CFAP299: variants seen among roughly 807,000 people sequenced by gnomAD.
CFAP299 encodes cilia and flagella associated protein 299.
CFAP299 carries 21 observed loss-of-function variants against 27.0 expected under a neutral mutation model. The observed-to-expected ratio is 0.78, with a 90% CI of 0.55 to 1.12. CFAP299 has a LOEUF of 1.12. CFAP299 is among the 50% of genes most tolerant of loss of function. The pLI, the probability that CFAP299 is intolerant of heterozygous loss-of-function variation, is 0.00. For synonymous variants in CFAP299, 104 were observed against 98.1 expected (o/e 1.06, Z -0.36); for missense variants, 310 against 276.6 (o/e 1.12, Z -0.86).
chr4:80,586,116 A>G (rs1393500926), intron 3 of CFAP299, among the ~76,000 whole-genome samples: 1 of 152,158 alleles, frequency 6.6e-6, no homozygotes, highest in Non-Finnish European at 1.5e-5. Context: ...TTTCAAAAGG[A>G]CATTACTGTA....
chr4:80,802,625 T>C (rs746884832), intron 3 of CFAP299, among the ~76,000 whole-genome samples: 1 of 152,048 alleles, frequency 6.6e-6, no homozygotes, highest in Admixed American at 6.6e-5. Flanking sequence ...GGAAAACTTA[T>C]CAATATTTGA....
At position 80,842,456 on chromosome 4, in the gene CFAP299, A is replaced by G. The variant is rs372378106; in HGVS notation, c.334-27537A>G. Among the ~76,000 whole-genome samples the G allele has an allele frequency of 1.1e-4, 17 of 152,290 alleles. No individual in the cohort carries two copies. In the South Asian group the frequency reaches 3.3e-3, roughly 30 times the overall value. ...CTGTCATATATAACTTGAGAAAATT[A>G]CTTAACGCCTCTTAAATCACAGTTT... is the stretch of plus-strand genomic sequence containing the variant. On this transcript the variant is annotated intron_variant, in intron 3 of 5. Transcript: ENST00000358105.
chr4:80,781,303 AT>A (rs1726863254), intron 3 of CFAP299, among the ~76,000 whole-genome samples: 1 of 152,072 alleles, frequency 6.6e-6, no homozygotes, highest in Non-Finnish European at 1.5e-5. Flanking sequence ...AGTTATAATA[AT>A]CAGTCACAAT....
At chr4:80,824,482 T>C (rs1308884378) in intron 3 of CFAP299, among the ~76,000 whole-genome samples, 1 of 152,148 alleles carries the variant, frequency 6.6e-6, no homozygotes, top group African/African-American at 2.4e-5. Flanking sequence ...TCTGCATGAT[T>C]GTAAGCTCCT....
intron 2 of CFAP299, chr4:80,387,471 C>T: frequency 1.2e-6 from 1 of 820,896 alleles, no homozygotes; most frequent in Non-Finnish European, 2.1e-6. Context: ...TTCCGGCTTG[C>T]CCCTTGCTAT....
intron 2 of CFAP299, among the ~76,000 whole-genome samples, chr4:80,504,462 C>CACATATATATATATATAT: frequency 2.6e-5 from 1 of 37,776 alleles, no homozygotes; most frequent in Admixed American, 5.3e-4. Context: ...TAAAATCTCA[C>CACATATATATATATATAT]ATATATATAT....
chr4:80,343,922 G>T (rs1375582201), intron 1 of CFAP299, among the ~76,000 whole-genome samples: 1 of 150,930 alleles, frequency 6.6e-6, no homozygotes, highest in African/African-American at 2.4e-5. Context: ...AATTAAGGTA[G>T]AAATCAAGAA....
intron 4 of CFAP299, among the ~76,000 whole-genome samples, chr4:80,941,982 T>C (rs529090269): frequency 1.3e-5 from 2 of 152,222 alleles, no homozygotes; most frequent in East Asian, 3.9e-4. Context: ...CAATTCAACA[T>C]GAGATTTGGG....
chr4:80,436,236 T>C (rs1163222002), intron 2 of CFAP299, among the ~76,000 whole-genome samples: 1 of 152,160 alleles, frequency 6.6e-6, no homozygotes. Context: ...GGTGTGGCCA[T>C]GTGACTTATA....
chr4:80,732,442 G>A (rs191269910), intron 3 of CFAP299, among the ~76,000 whole-genome samples: 5 of 152,262 alleles, frequency 3.3e-5, no homozygotes, highest in African/African-American at 1.2e-4. Context: ...GGGTTAGGTA[G>A]AAAATGTATC....
intron 4 of CFAP299, among the ~76,000 whole-genome samples, chr4:80,929,008 A>AG (rs1736441999): frequency 6.6e-6 from 1 of 152,100 alleles, no homozygotes; most frequent in South Asian, 2.1e-4. Flanking sequence ...ACAGTGCACT[A>AG]TTTTTCTAAT....
At chr4:80,369,074 T>C (rs1262528734) in intron 2 of CFAP299, among the ~76,000 whole-genome samples, 1 of 152,170 alleles carries the variant, frequency 6.6e-6, no homozygotes, top group African/African-American at 2.4e-5. Flanking sequence ...TTATCCCACA[T>C]GGGATGAAAT....
chr4:80,738,003 C>T (rs1305840409), intron 3 of CFAP299, among the ~76,000 whole-genome samples: 3 of 152,088 alleles, frequency 2.0e-5, no homozygotes, highest in East Asian at 1.9e-4. Flanking sequence ...CATTCAGGAG[C>T]GTATTGTTTA....
chr4:80,474,753 A>C (rs1730188042), intron 2 of CFAP299, among the ~76,000 whole-genome samples: 1 of 152,226 alleles, frequency 6.6e-6, no homozygotes, highest in Non-Finnish European at 1.5e-5. Flanking sequence ...TTATTCAACA[A>C]TATTATTTGT....
intron 3 of CFAP299, among the ~76,000 whole-genome samples, chr4:80,649,630 T>A (rs971132949): frequency 2.0e-5 from 3 of 152,144 alleles, no homozygotes; most frequent in African/African-American, 7.2e-5. Context: ...AATTGCATCA[T>A]TAGATTGGTA....
intron 2 of CFAP299, among the ~76,000 whole-genome samples, chr4:80,396,303 G>A (rs998275219): frequency 1.3e-5 from 2 of 152,114 alleles, no homozygotes; most frequent in African/African-American, 4.8e-5. Flanking sequence ...GTCAGGAGAT[G>A]CGTAAACAGA....
chr4:80,742,333 ATAC>A (rs1724323633), intron 3 of CFAP299, among the ~76,000 whole-genome samples: 1 of 152,164 alleles, frequency 6.6e-6, no homozygotes, highest in African/African-American at 2.4e-5. Context: ...AAAAAACAAG[ATAC>A]TATTACCTAA....
intron 5 of CFAP299, among the ~76,000 whole-genome samples, chr4:80,949,546 C>A (rs530447717): frequency 0.024 from 1,049 of 42,974 alleles, 14 homozygotes; most frequent in African/African-American, 0.053. Flanking sequence ...ACAACAACAA[C>A]AAAAAAAAAA....
At chr4:80,762,287 A>T (rs988412503) in intron 3 of CFAP299, among the ~76,000 whole-genome samples, 7 of 152,102 alleles carry the variant, frequency 4.6e-5, no homozygotes, top group African/African-American at 1.7e-4. Context: ...ACAGGAGGAA[A>T]TATAAGAACC....
Sources: allele counts gnomAD v4.1 joint callset (sites outside exome capture counted in the v4.1 genomes callset), GRCh38; gene constraint gnomAD v4.1.1; transcripts MANE v1.5; gene names NCBI Gene and HGNC (gene_info 2026-07-23, HGNC 2026-07-21).